The following NSMCE2 variants were observed in gnomAD, a reference collection of about 807,000 sequenced individuals.
The protein encoded by NSMCE2 is NSE2 SUMO ligase component of SMC5/6 complex, also known as E3 SUMO-protein ligase NSE2.
A neutral mutation model predicts 23.8 loss-of-function variants in NSMCE2; 24 were observed. That is an observed-to-expected ratio of 1.01 (90% confidence interval 0.73 to 1.42). The LOEUF is 1.42. NSMCE2 is among the 40% of genes most tolerant of loss of function. The pLI, the probability that NSMCE2 is intolerant of heterozygous loss-of-function variation, is 0.00. For missense variants in NSMCE2, 284 were observed against 296.5 expected (o/e 0.96, Z 0.31); for synonymous variants, 92 against 94.1 (o/e 0.98, Z 0.13).
intron 4 of NSMCE2, among the ~76,000 whole-genome samples, chr8:125,177,625 G>A (rs1375530381): frequency 6.6e-6 from 1 of 152,198 alleles, no homozygotes; most frequent in Non-Finnish European, 1.5e-5. Context: ...AAGCTTCATG[G>A]AGCCATAATT....
intron 5 of NSMCE2, among the ~76,000 whole-genome samples, chr8:125,245,282 C>CAATA (rs919074618): frequency 1.1e-4 from 16 of 151,942 alleles, no homozygotes; most frequent in South Asian, 2.1e-4. Context: ...GACTCTGTCT[C>CAATA]AATAAATAAA....
intron 5 of NSMCE2, among the ~76,000 whole-genome samples, chr8:125,235,454 A>G (rs996586917): frequency 6.6e-6 from 1 of 152,176 alleles, no homozygotes; most frequent in African/African-American, 2.4e-5. Flanking sequence ...TCTGACCCCA[A>G]TCCCAGTTTG....
chr8:125,275,983 C>G (rs1185319497), intron 5 of NSMCE2, among the ~76,000 whole-genome samples: 1 of 152,202 alleles, frequency 6.6e-6, no homozygotes, highest in Non-Finnish European at 1.5e-5. Flanking sequence ...ACCCTATATT[C>G]CTTTGATCTC....
intron 5 of NSMCE2, among the ~76,000 whole-genome samples, chr8:125,244,158 A>G (rs1355727215): frequency 4.6e-5 from 7 of 152,180 alleles, no homozygotes; most frequent in Non-Finnish European, 7.3e-5. Context: ...AGGGATCTAC[A>G]ATTATAGAAT....
At position 125,316,771 on chromosome 8, in the gene NSMCE2, C is replaced by CCTTCCTTCCTTCCTTCCT. The variant is rs1333224137; in HGVS notation, c.419-40448_419-40447insCTTCCTTCCTTCCTTCCT. ...TCCTTCCTTCCTTCCTTCCTTCCTT[C>CCTTCCTTCCTTCCTTCCT]TCTCTCTCTCTTTCTTTCTTTCTTT... On this transcript the variant is annotated intron_variant, in intron 5 of 7. Coordinates refer to ENST00000287437, the MANE Select transcript of NSMCE2 (RefSeq NM_173685.4). 2.4e-3 allele frequency among the ~76,000 whole-genome samples: 332 copies of CCTTCCTTCCTTCCTTCCT among 140,206 alleles called. 4 individuals carry two copies. The highest frequency in any genetic ancestry group is 8.9e-3 in the African/African-American group (324 of 36,398). The allele number at this position is 140,206 out of a possible 152,430, so 92.0% of individuals were successfully genotyped here. A position where few individuals can be genotyped will look rare whatever the true frequency, so the allele number is the denominator to read the frequency against.
At chr8:125,246,088 A>G (rs1478157085) in intron 5 of NSMCE2, among the ~76,000 whole-genome samples, 2 of 152,194 alleles carry the variant, frequency 1.3e-5, no homozygotes, top group African/African-American at 4.8e-5. Context: ...GAATTTTTAA[A>G]AAACATATTT....
At chr8:125,106,047 T>TACAC (rs138450338) in intron 3 of NSMCE2, among the ~76,000 whole-genome samples, 37,827 of 148,120 alleles carry the variant, frequency 0.26, 5,317 homozygotes, top group Middle Eastern at 0.4. Context: ...TGTGTGTGCA[T>TACAC]ACACACACAC....
Position 125,366,827 on chromosome 8 carries a change from A to G in NSMCE2, c.686A>G (p.Glu229Gly), listed in dbSNP as rs749982954. The change falls in exon 8 of 8, where the codon GAA becomes GGA. Residue 229 changes from glutamate to glycine, a missense_variant. Glu to Gly is a moderately conservative substitution (Grantham distance 98, BLOSUM62 -2). Coordinates refer to ENST00000287437, the MANE Select transcript of NSMCE2 (RefSeq NM_173685.4). ...AGAAAGTCAGATCTTATCCAGGATG[A>G]AGCACTTAGAAGGGCAATTGAGAAC... ...DIRKSDLIQD[E>G]ALRRAIENHN... 7 of 1,613,766 alleles carry G rather than the reference A, an allele frequency of 4.3e-6. No homozygotes were observed. The highest frequency in any genetic ancestry group is 1.7e-5 in the Admixed American group (1 of 60,024).
chr8:125,130,080 G>A (rs547333524), intron 3 of NSMCE2: 38 of 327,178 alleles, frequency 1.2e-4, no homozygotes, highest in Admixed American at 5.7e-4. Flanking sequence ...CTTCGTAGAC[G>A]CTTCTTAGTT....
intron 5 of NSMCE2, among the ~76,000 whole-genome samples, chr8:125,208,718 A>G (rs1824210417): frequency 6.6e-6 from 1 of 152,240 alleles, no homozygotes; most frequent in Non-Finnish European, 1.5e-5. Context: ...ATGGCTTCAT[A>G]CAGAAAATGA....
intron 5 of NSMCE2, among the ~76,000 whole-genome samples, chr8:125,272,256 C>T (rs914598558): frequency 3.3e-5 from 5 of 151,886 alleles, no homozygotes; most frequent in South Asian, 2.1e-4. Context: ...CCTCATGATC[C>T]GCCCGCCTCA....
chr8:125,239,796 A>G (rs978231895), intron 5 of NSMCE2, among the ~76,000 whole-genome samples: 5 of 152,158 alleles, frequency 3.3e-5, no homozygotes, highest in Admixed American at 3.3e-4. Context: ...CAGAACTTAC[A>G]TACATTTTAC....
Position 125,102,082 on chromosome 8 carries a change from C to G in NSMCE2, c.-79C>G. 2.5e-6 allele frequency: 1 copy of G among 394,982 alleles called. No homozygotes were observed. The highest frequency in any genetic ancestry group is 4.6e-6 in the Non-Finnish European group (1 of 215,676). The allele number at this position is 394,982 out of a possible 1,614,324, so 24.5% of individuals were successfully genotyped here. ...GCACTCTTTTGGAAGAGGGTAATCT[C>G]TCTCCAAAAACTGAGGACACTTACC... is the stretch of plus-strand genomic sequence containing the variant. On this transcript the variant is annotated 5_prime_UTR_variant, in exon 2 of 8. Transcript: ENST00000287437.
intron 5 of NSMCE2, among the ~76,000 whole-genome samples, chr8:125,246,329 A>T (rs1825959705): frequency 1.3e-5 from 2 of 151,670 alleles, no homozygotes; most frequent in African/African-American, 4.8e-5. Context: ...GATTACAGGC[A>T]TGCGTCACCA....
chr8:125,153,013 C>T (rs1468510389), intron 4 of NSMCE2, among the ~76,000 whole-genome samples: 2 of 142,902 alleles, frequency 1.4e-5, no homozygotes, highest in Non-Finnish European at 1.5e-5. Context: ...GCTGAGATCA[C>T]GCCAGTGCAC....
intron 5 of NSMCE2, among the ~76,000 whole-genome samples, chr8:125,229,401 AT>A (rs1482755512): frequency 2.6e-5 from 4 of 152,186 alleles, no homozygotes; most frequent in Admixed American, 2.6e-4. Flanking sequence ...AATTTTTAAT[AT>A]TTTAACCTCC....
At chr8:125,125,410 C>T (rs543135699) in intron 3 of NSMCE2, among the ~76,000 whole-genome samples, 5 of 152,180 alleles carry the variant, frequency 3.3e-5, no homozygotes, top group South Asian at 2.1e-4. Context: ...TATCACAGAG[C>T]GGGTATTGAA....
chr8:125,117,823 C>G (rs1819087005), intron 3 of NSMCE2, among the ~76,000 whole-genome samples: 1 of 152,062 alleles, frequency 6.6e-6, no homozygotes, highest in South Asian at 2.1e-4. Flanking sequence ...GACTTTAATG[C>G]CTATTAGGTG....
chr8:125,108,771 A>G (rs1453040521), intron 3 of NSMCE2, among the ~76,000 whole-genome samples: 2 of 152,228 alleles, frequency 1.3e-5, no homozygotes, highest in Non-Finnish European at 2.9e-5. Context: ...TCACTAATTC[A>G]TCAGATATGT....
Sources: gnomAD v4.1 joint callset for allele counts (sites outside exome capture counted in the v4.1 genomes callset) on GRCh38, gnomAD v4.1.1 for gene constraint, MANE v1.5 for transcripts, NCBI Gene and HGNC (gene_info 2026-07-23, HGNC 2026-07-21) for gene names.